The following UNC13C variants were observed in gnomAD, a reference collection of about 807,000 sequenced individuals.
UNC13C encodes the protein protein unc-13 homolog C.
Under a neutral mutation model 245.4 loss-of-function variants are expected in UNC13C, and 174 were observed. That is an observed-to-expected ratio of 0.71 (90% CI 0.63 to 0.80). UNC13C has a LOEUF of 0.80. UNC13C is among the 30% of genes least tolerant of loss of function. UNC13C has a pLI of 0.00. For missense variants in UNC13C, 2,829 were observed against 2,602.9 expected (o/e 1.09, Z -1.89); for synonymous variants, 992 against 895.1 (o/e 1.11, Z -1.93).
At chr15:53,931,770 C>T in the UNC13C span, among the ~76,000 whole-genome samples, 1 of 152,050 alleles carries the variant, frequency 6.6e-6, no homozygotes, top group Non-Finnish European at 1.5e-5. Context: ...TTGTTAAAAT[C>T]GTCTTTCACT....
intron 2 of UNC13C, among the ~76,000 whole-genome samples, chr15:54,128,072 C>T (rs2031175636): frequency 6.6e-6 from 1 of 152,062 alleles, no homozygotes; most frequent in Admixed American, 6.6e-5. Flanking sequence ...AATAAAGTCT[C>T]AGGATATAAA....
chr15:54,003,518 C>G (rs1230313370), intron 1 of UNC13C, among the ~76,000 whole-genome samples: 1 of 152,060 alleles, frequency 6.6e-6, no homozygotes, highest in East Asian at 1.9e-4. Flanking sequence ...TGTTCCCATT[C>G]TCAGACTTTA....
At chr15:54,602,744 C>T (rs775357501) in intron 30 of UNC13C, among the ~76,000 whole-genome samples, 22 of 152,158 alleles carry the variant, frequency 1.4e-4, no homozygotes, top group Non-Finnish European at 2.4e-4. Flanking sequence ...TCACAGCCCC[C>T]ACCCTCCCTC....
chr15:54,180,883 C>A (rs8038822), intron 4 of UNC13C, among the ~76,000 whole-genome samples: 115,766 of 151,932 alleles, frequency 0.76, 44,361 homozygotes, highest in Non-Finnish European at 0.78. Flanking sequence ...TTATAGACTC[C>A]TGATATTAGA....
chr15:54,062,743 T>G (rs1331195643), intron 2 of UNC13C, among the ~76,000 whole-genome samples: 1 of 152,214 alleles, frequency 6.6e-6, no homozygotes, highest in South Asian at 2.1e-4. Context: ...ACTCTACTGG[T>G]AGAACCCAGG....
At chr15:54,224,772 G>C (rs2035327020) in intron 4 of UNC13C, among the ~76,000 whole-genome samples, 1 of 152,084 alleles carries the variant, frequency 6.6e-6, no homozygotes, top group South Asian at 2.1e-4. Context: ...AAGTCATCAG[G>C]TCCCAGGCTT....
intron 10 of UNC13C, among the ~76,000 whole-genome samples, chr15:54,266,584 G>C (rs1435791608): frequency 6.6e-6 from 1 of 152,012 alleles, no homozygotes; most frequent in African/African-American, 2.4e-5. Flanking sequence ...ATGTAGACAA[G>C]ATGCAGCTAG....
chr15:54,007,295 G>A (rs1895182060), intron 1 of UNC13C, among the ~76,000 whole-genome samples: 1 of 152,046 alleles, frequency 6.6e-6, no homozygotes, highest in African/African-American at 2.4e-5. Flanking sequence ...CTAGGATTAA[G>A]CAAATAACAG....
chr15:53,892,639 T>C, the UNC13C span, among the ~76,000 whole-genome samples: 1 of 152,176 alleles, frequency 6.6e-6, no homozygotes, highest in Non-Finnish European at 1.5e-5. Context: ...CAGTCTCTGA[T>C]ATCCTTTCTT....
intron 2 of UNC13C, among the ~76,000 whole-genome samples, chr15:54,102,196 CTTGGAGTCTAGTAGG>C (rs1295306890): frequency 6.6e-6 from 1 of 151,812 alleles, no homozygotes; most frequent in Non-Finnish European, 1.5e-5. Context: ...AGTATTATAG[CTTGGAGTCTAGTAGG>C]TTTTCTTTCA....
At chr15:53,899,588 C>T in the UNC13C span, among the ~76,000 whole-genome samples, 1 of 150,912 alleles carries the variant, frequency 6.6e-6, no homozygotes, top group Non-Finnish European at 1.5e-5. Flanking sequence ...ACCAGTCTCT[C>T]TACTTTTTTT....
chr15:54,064,476 G>C (rs376647026), intron 2 of UNC13C, among the ~76,000 whole-genome samples: 1 of 152,190 alleles, frequency 6.6e-6, no homozygotes, highest in Non-Finnish European at 1.5e-5. Flanking sequence ...GAATAAATTT[G>C]TATTGAGTCT....
chr15:53,875,655 G>C, the UNC13C span, among the ~76,000 whole-genome samples: 589 of 152,242 alleles, frequency 3.9e-3, 17 homozygotes, highest in Admixed American at 0.035. Context: ...CAGGGAAATG[G>C]GGCCAGGTAA....
intron 17 of UNC13C, among the ~76,000 whole-genome samples, chr15:54,346,060 A>G (rs2038853325): frequency 6.6e-6 from 1 of 152,062 alleles, no homozygotes; most frequent in Non-Finnish European, 1.5e-5. Flanking sequence ...TAATACCCTG[A>G]CATGTCACCA....
At chr15:54,416,794 C>T (rs2040531524) in intron 19 of UNC13C, 3 of 410,636 alleles carry the variant, frequency 7.3e-6, no homozygotes, top group Non-Finnish European at 1.5e-5. Context: ...CTCTTCTCTG[C>T]TGTTCCCTAT....
chr15:54,049,254 T>C (rs1356492171), intron 2 of UNC13C: 4 of 521,118 alleles, frequency 7.7e-6, no homozygotes, highest in Non-Finnish European at 1.5e-5. Context: ...ACACAGTCTG[T>C]GCATTCAGAA....
intron 4 of UNC13C, among the ~76,000 whole-genome samples, chr15:54,234,791 T>C (rs1169109515): frequency 6.6e-6 from 1 of 152,224 alleles, no homozygotes; most frequent in East Asian, 1.9e-4. Flanking sequence ...CCAGGCCATG[T>C]ATATCTTAAA....
In UNC13C at chr15:54,321,952, C is replaced by G. The variant is rs1056076028; in HGVS notation, c.4282C>G (p.Leu1428Val). 6.3e-7 allele frequency: 1 copy of G among 1,574,960 alleles called. No homozygotes were observed. Among genetic ancestry groups the G allele is most frequent in the Non-Finnish European group, 8.6e-7 (1 of 1,159,432 alleles). ...IYQAMTHFSC[L>V]SSKYMCPGVP... ...TTTGTCTTTCAGGCACTTTTCATGT[C>G]TGTCTTCTAAATACATGTGCCCCGG... The change falls in exon 14 of 33, where the codon CTG (leucine) becomes GTG (valine). Residue 1428 changes from leucine to valine, a missense_variant. By Grantham distance (32) the Leu-to-Val change is conservative. Transcript: ENST00000260323.
chr15:54,371,792 G>T (rs1277946656), intron 17 of UNC13C, among the ~76,000 whole-genome samples: 1 of 151,928 alleles, frequency 6.6e-6, no homozygotes, highest in East Asian at 1.9e-4. Context: ...GTCATTTGTG[G>T]CAACACGTAT....
Sources: allele counts gnomAD v4.1 joint callset (sites outside exome capture counted in the v4.1 genomes callset), GRCh38; gene constraint gnomAD v4.1.1; transcripts MANE v1.5; gene names NCBI Gene and HGNC (gene_info 2026-07-23, HGNC 2026-07-21).